Variants in ITGAM observed in about 807,000 individuals in gnomAD.
The protein encoded by ITGAM is integrin subunit alpha M.
Under a neutral mutation model 137.5 loss-of-function variants are expected in ITGAM, and 79 were observed. That is an observed-to-expected ratio of 0.57 (90% confidence interval 0.48 to 0.69). ITGAM has a LOEUF of 0.69. ITGAM is among the 30% of genes least tolerant of loss of function. ITGAM has a pLI of 0.00. For missense variants in ITGAM, 1,343 were observed against 1,483.5 expected, an observed-to-expected ratio of 0.91 and a Z score of 1.56; for synonymous variants, 583 against 592.3, an observed-to-expected ratio of 0.98 and a Z score of 0.23.
chr16:31,323,426 CA>C (rs201419202), intron 16 of ITGAM, among the ~76,000 whole-genome samples: 11,724 of 83,852 alleles, frequency 0.14, 526 homozygotes, highest in Non-Finnish European at 0.2. Context: ...AACTCCATTT[CA>C]AAAAAAAAAA....
At chr16:31,270,734 TATATA>T (rs1210185291) in intron 5 of ITGAM, among the ~76,000 whole-genome samples, 174 of 114,886 alleles carry the variant, frequency 1.5e-3, no homozygotes, top group Non-Finnish European at 2.4e-3. Flanking sequence ...TATATATATA[TATATA>T]TATATGTTTT....
chr16:31,296,165 C>T (rs1165061788), intron 12 of ITGAM, among the ~76,000 whole-genome samples: 4 of 146,082 alleles, frequency 2.7e-5, no homozygotes, highest in Non-Finnish European at 6.0e-5. Context: ...AGTGCAGTGG[C>T]GTTATCTCGG....
intron 22 of ITGAM, among the ~76,000 whole-genome samples, chr16:31,327,246 G>A (rs900427470): frequency 6.6e-6 from 1 of 152,044 alleles, no homozygotes; most frequent in African/African-American, 2.4e-5. Context: ...GATGGGGGAC[G>A]GCCAGTGTTC....
chr16:31,320,259 C>T (rs576296063), intron 14 of ITGAM, among the ~76,000 whole-genome samples: 5 of 152,170 alleles, frequency 3.3e-5, no homozygotes, highest in South Asian at 2.1e-4. Flanking sequence ...CCCCACTACA[C>T]GTTTTACGTT....
chr16:31,268,612 TAAAATACA>T (rs1355822798), intron 5 of ITGAM, among the ~76,000 whole-genome samples: 1 of 152,198 alleles, frequency 6.6e-6, no homozygotes, highest in African/African-American at 2.4e-5. Flanking sequence ...CCAGTCTTTC[TAAAATACA>T]AAACAAATCA....
At chr16:31,302,428 C>CTTTCTTTCTTTCTTCCT (rs71390270) in intron 14 of ITGAM, among the ~76,000 whole-genome samples, 1 of 103,126 alleles carries the variant, frequency 9.7e-6, no homozygotes, top group Non-Finnish European at 1.9e-5. Context: ...TTCTTTCTTT[C>CTTTCTTTCTTTCTTCCT]TTCTTTCTTT....
At chr16:31,304,180 A>G (rs1326679486) in intron 14 of ITGAM, among the ~76,000 whole-genome samples, 1 of 151,842 alleles carries the variant, frequency 6.6e-6, no homozygotes, top group Non-Finnish European at 1.5e-5. Flanking sequence ...GTGGTATTTT[A>G]TTGTGGTTTT....
At chr16:31,316,491 G>C (rs1004234310) in intron 14 of ITGAM, among the ~76,000 whole-genome samples, 1 of 152,032 alleles carries the variant, frequency 6.6e-6, no homozygotes, top group East Asian at 1.9e-4. Flanking sequence ...TTTTATGTCA[G>C]TGTCATGCTG....
intron 12 of ITGAM, among the ~76,000 whole-genome samples, chr16:31,281,763 T>A (rs1424182427): frequency 2.0e-5 from 3 of 152,226 alleles, no homozygotes; most frequent in Non-Finnish European, 4.4e-5. Flanking sequence ...ATCTGCTAGC[T>A]TTTGAATGTG....
chr16:31,318,317 C>CT (rs2080413045), intron 14 of ITGAM, among the ~76,000 whole-genome samples: 1 of 149,534 alleles, frequency 6.7e-6, no homozygotes, highest in Non-Finnish European at 1.5e-5. Context: ...TCCCTTTTTC[C>CT]TTGGTCTACC....
chr16:31,260,109 TGGGGGACTCTGGGTGGGGA>T lies in ITGAM; in HGVS notation c.28+20_28+38del. On this transcript the variant is annotated intron_variant, in intron 1 of 29. Coordinates refer to ENST00000544665, the MANE Select transcript of ITGAM (RefSeq NM_000632.4). ...TGTTAACAGGTGCATGGGGGTGGGG[TGGGGGACTCTGGGTGGGGA>T]GGAGGGTAACTTTTGGGTCTGTCAT... The T allele has an allele frequency of 1.2e-5, 3 of 260,370 alleles. No homozygotes were observed. Among genetic ancestry groups the T allele is most frequent in the Non-Finnish European group, 1.5e-5 (2 of 131,876 alleles). 16.1% of individuals were successfully genotyped at this position (260,370 alleles called of 1,614,324 possible). A position where few individuals can be genotyped will look rare whatever the true frequency, so the allele number is the denominator to read the frequency against.
intron 1 of ITGAM, among the ~76,000 whole-genome samples, chr16:31,261,430 C>T (rs897492836): frequency 2.0e-5 from 3 of 151,894 alleles, no homozygotes; most frequent in African/African-American, 2.4e-5. Flanking sequence ...GATCCTCCCA[C>T]GTCAGCCTCT....
At chr16:31,295,915 G>A (rs1343641845) in intron 12 of ITGAM, among the ~76,000 whole-genome samples, 1 of 151,756 alleles carries the variant, frequency 6.6e-6, no homozygotes, top group Non-Finnish European at 1.5e-5. Context: ...TTTATTGAGA[G>A]TTTTTATTAT....
rs2080144966 is a variant in ITGAM at position 31,297,409 on chromosome 16, C to T, written c.1357-105C>T. 7 of 1,436,568 alleles carry T rather than the reference C, an allele frequency of 4.9e-6. No homozygotes were observed. In the East Asian group the frequency reaches 1.6e-4, roughly 33 times the overall value. 89.0% of individuals were successfully genotyped at this position (1,436,568 alleles called of 1,614,324 possible). On this transcript the variant is annotated intron_variant, in intron 12 of 29. Transcript: ENST00000544665. The stretch of plus-strand genomic sequence containing the variant: ...AACCATATAGAAGATCACATCTGCT[C>T]CAGAGGGATTCCCCCAGCAGGCATA...
intron 14 of ITGAM, among the ~76,000 whole-genome samples, chr16:31,312,677 C>T (rs1209048611): frequency 1.3e-5 from 2 of 152,156 alleles, no homozygotes; most frequent in South Asian, 2.1e-4. Flanking sequence ...GATCTTCCCA[C>T]CTTGGCCTCC....
intron 14 of ITGAM, among the ~76,000 whole-genome samples, chr16:31,301,470 T>C (rs1360410004): frequency 6.6e-6 from 1 of 152,216 alleles, no homozygotes; most frequent in East Asian, 1.9e-4. Flanking sequence ...ACTATAACTT[T>C]GTCATTTATA....
intron 24 of ITGAM, 42 bp from the exon 25 acceptor site, chr16:31,329,756 G>A (rs1295802957): frequency 3.3e-6 from 5 of 1,509,558 alleles, no homozygotes; most frequent in Middle Eastern, 2.2e-4. Flanking sequence ...AGGCTGGTGG[G>A]GGAGGAAGGC....
At chr16:31,290,579 A>G (rs1192292800) in intron 12 of ITGAM, among the ~76,000 whole-genome samples, 1 of 152,156 alleles carries the variant, frequency 6.6e-6, no homozygotes, top group Non-Finnish European at 1.5e-5. Flanking sequence ...ACTAAAGGGA[A>G]CTTCCTCAAG....
chr16:31,328,762 A>T (rs924944497), intron 23 of ITGAM, among the ~76,000 whole-genome samples: 1 of 129,858 alleles, frequency 7.7e-6, no homozygotes. Flanking sequence ...GTCTATGTGC[A>T]TGCGTGTGCG....
Sources: allele counts gnomAD v4.1 joint callset (sites outside exome capture counted in the v4.1 genomes callset), GRCh38; gene constraint gnomAD v4.1.1; transcripts MANE v1.5; gene names NCBI Gene and HGNC (gene_info 2026-07-23, HGNC 2026-07-21).